PLCH1: variants seen among roughly 807,000 people sequenced by gnomAD.
PLCH1 encodes the protein phospholipase C eta 1.
A neutral mutation model predicts 126.7 loss-of-function variants in PLCH1; 60 were observed. That is an observed-to-expected ratio of 0.47 (90% CI 0.38 to 0.59). The LOEUF (loss-of-function observed/expected upper bound fraction) is 0.59, where lower values mean the gene tolerates loss of function less well. PLCH1 is among the 20% of genes least tolerant of loss of function. The probability of loss-of-function intolerance (pLI) is 0.00; values close to 1 mark genes in which losing one functional copy is unlikely to be tolerated. For synonymous variants in PLCH1, 719 were observed against 734.9 expected (o/e 0.98, Z 0.35); for missense variants, 1,723 against 2,040.0 (o/e 0.84, Z 2.99).
At chr3:155,597,994 G>T (rs1339239760) in intron 2 of PLCH1, among the ~76,000 whole-genome samples, 1 of 152,056 alleles carries the variant, frequency 6.6e-6, no homozygotes, top group African/African-American at 2.4e-5. Context: ...GACCAGCCTG[G>T]CCAACATGGT....
chr3:155,712,758 A>C (rs1013302664), intron 1 of PLCH1, among the ~76,000 whole-genome samples: 7 of 151,704 alleles, frequency 4.6e-5, no homozygotes, highest in African/African-American at 1.7e-4. Flanking sequence ...TAAATAAATA[A>C]ATAAATAACT....
intron 1 of PLCH1, chr3:155,743,739 T>C: frequency 3.0e-6 from 1 of 336,410 alleles, no homozygotes; most frequent in South Asian, 2.2e-5. Flanking sequence ...CATCTCCTTG[T>C]CATAAACATG....
intron 2 of PLCH1, among the ~76,000 whole-genome samples, chr3:155,642,461 A>G (rs150424268): frequency 2.7e-4 from 41 of 152,320 alleles, no homozygotes; most frequent in Non-Finnish European, 1.9e-4. Flanking sequence ...GGATGCCAAG[A>G]TATCTGATTA....
At position 155,514,814 on chromosome 3, in the gene PLCH1, G is replaced by C; in HGVS notation, c.1541C>G (p.Ser514Cys). Residue 514 changes from serine (S) to cysteine (C), a missense_variant, in exon 12 of 23, where the codon TCT (serine) becomes TGT (cysteine). This residue lies in a region of PLCH1 where 776 missense variants were observed against 1,062.9 expected (regional missense o/e 0.73). Transcript: ENST00000460012. ...RKKLESLLKE[S>C]QIRDKEDPDS... ...AGGATCTTCTTTATCTCGAATTTGA[G>C]ATTCTTTTAACAGTGACTCCAGTTT... 6.2e-7 allele frequency: 1 copy of C among 1,612,850 alleles called. No individual in the cohort carries two copies. Among genetic ancestry groups the C allele is most frequent in the Non-Finnish European group, 8.5e-7 (1 of 1,178,978 alleles).
chr3:155,561,872 C>G (rs1177056161), intron 8 of PLCH1, among the ~76,000 whole-genome samples: 5 of 152,256 alleles, frequency 3.3e-5, no homozygotes, highest in Admixed American at 6.5e-5. Context: ...ACCTCTGCCT[C>G]CTGGGTTCAA....
At chr3:155,555,030 C>G (rs759234197) in intron 8 of PLCH1, among the ~76,000 whole-genome samples, 1 of 152,202 alleles carries the variant, frequency 6.6e-6, no homozygotes, top group Non-Finnish European at 1.5e-5. Context: ...TATTTTGCCC[C>G]CAGGCTAATT....
intron 2 of PLCH1, among the ~76,000 whole-genome samples, chr3:155,618,560 C>T (rs1577156073): frequency 1.3e-5 from 2 of 152,126 alleles, no homozygotes; most frequent in Admixed American, 6.5e-5. Context: ...CATAGAAATG[C>T]CTCTTACTAA....
chr3:155,489,570 A>G (rs1715853891), intron 19 of PLCH1, among the ~76,000 whole-genome samples: 1 of 152,196 alleles, frequency 6.6e-6, no homozygotes, highest in African/African-American at 2.4e-5. Context: ...TAGACCATGC[A>G]CTATTGATTC....
At chr3:155,587,612 T>C (rs1731555233) in intron 4 of PLCH1, among the ~76,000 whole-genome samples, 1 of 152,356 alleles carries the variant, frequency 6.6e-6, no homozygotes, top group South Asian at 2.1e-4. Context: ...AAACATAATG[T>C]GCTAGGAGGT....
intron 2 of PLCH1, among the ~76,000 whole-genome samples, chr3:155,699,910 GT>G (rs1426737562): frequency 1.3e-5 from 2 of 151,668 alleles, no homozygotes; most frequent in African/African-American, 4.9e-5. Flanking sequence ...TAACTACAAA[GT>G]TTACAGTCCA....
At chr3:155,607,799 G>A (rs546251439) in intron 2 of PLCH1, among the ~76,000 whole-genome samples, 1 of 152,144 alleles carries the variant, frequency 6.6e-6, no homozygotes, top group Non-Finnish European at 1.5e-5. Flanking sequence ...AAATGGCAGA[G>A]AGAAGTCAGG....
Position 155,482,643 on chromosome 3 carries a change from T to C in PLCH1, c.3383A>G (p.Lys1128Arg), listed in dbSNP as rs1284775856. 1 of 1,614,230 alleles carries C rather than the reference T, an allele frequency of 6.2e-7. No homozygotes were observed. The highest frequency in any genetic ancestry group is 1.1e-5 in the South Asian group (1 of 91,086). Residue 1128 changes from lysine (K) to arginine (R), a missense_variant, in exon 23 of 23, where the codon AAG (lysine) becomes AGG (arginine). By Grantham distance (26) the Lys-to-Arg change is conservative (BLOSUM62 2). Around this residue, in one of 2 missense-constraint regions of PLCH1, gnomAD observed 947 missense variants for 977.1 expected, o/e 0.97. Transcript: ENST00000460012. Reference sequence around the variant, plus strand: ...CTTACCCCTATTACCTTCCAGGTTCTTAATTTCTAGGTTGCTATGAGAAAG... The same window carrying C: ...CTTACCCCTATTACCTTCCAGGTTCCTAATTTCTAGGTTGCTATGAGAAAG... Reference protein sequence around the residue: ...SVLSHSNLEIKNLEGNRGKGR... With the variant: ...SVLSHSNLEIRNLEGNRGKGR...
At chr3:155,552,734 C>A (rs898470747) in intron 9 of PLCH1, among the ~76,000 whole-genome samples, 3 of 152,136 alleles carry the variant, frequency 2.0e-5, no homozygotes, top group African/African-American at 7.2e-5. Context: ...ATTGAGAGAG[C>A]TTCTGACAGG....
chr3:155,596,317 G>C lies in PLCH1; in HGVS notation c.141C>G (p.Thr47=). 1 of 1,613,266 alleles carries C rather than the reference G, an allele frequency of 6.2e-7. No individual in the cohort carries two copies. Among genetic ancestry groups the C allele is most frequent in the East Asian group, 2.2e-5 (1 of 44,874 alleles). Residue 47 remains threonine (T), a synonymous_variant, in exon 3 of 23, where the codon ACC becomes ACG. Coordinates refer to ENST00000460012, the MANE Select transcript of PLCH1 (RefSeq NM_014996.4). Reference sequence around the variant, plus strand: ...GGTAAAAGAGGCGGACAAGCCCTTTGGTTCCACGTTTCAGCTTGATCATCT... The same window carrying C: ...GGTAAAAGAGGCGGACAAGCCCTTTCGTTCCACGTTTCAGCTTGATCATCT... ...GTQMIKLKRG[T]KGLVRLFYLD... is the part of the protein sequence containing the mutation.
At chr3:155,682,312 T>G (rs1210673767) in intron 2 of PLCH1, among the ~76,000 whole-genome samples, 1 of 152,172 alleles carries the variant, frequency 6.6e-6, no homozygotes, top group East Asian at 1.9e-4. Flanking sequence ...TTGAGGAAAT[T>G]GCTATTATAT....
chr3:155,689,124 G>A (rs7639887), intron 2 of PLCH1, among the ~76,000 whole-genome samples: 33,238 of 152,042 alleles, frequency 0.22, 4,113 homozygotes, highest in African/African-American at 0.34. Flanking sequence ...GAAAAAGAGA[G>A]ACTCTATATG....
At chr3:155,699,848 A>ACACACACACACACACC (rs1491419516) in intron 2 of PLCH1, among the ~76,000 whole-genome samples, 81 of 147,656 alleles carry the variant, frequency 5.5e-4, no homozygotes, top group African/African-American at 1.9e-3. Flanking sequence ...ACACACACAC[A>ACACACACACACACACC]CCACTACCTC....
chr3:155,513,323 T>C (rs66856514), intron 12 of PLCH1, among the ~76,000 whole-genome samples: 30,544 of 152,156 alleles, frequency 0.2, 4,530 homozygotes, highest in African/African-American at 0.42. Context: ...CAAAAATTTT[T>C]GGTTCTCTTA....
At chr3:155,528,997 G>T (rs1287329758) in intron 10 of PLCH1, among the ~76,000 whole-genome samples, 2 of 152,160 alleles carry the variant, frequency 1.3e-5, no homozygotes. Flanking sequence ...CAATGCAAAT[G>T]AACACTGTTT....
Sources: allele counts gnomAD v4.1 joint callset (sites outside exome capture counted in the v4.1 genomes callset), GRCh38; gene constraint gnomAD v4.1.1; regional missense constraint gnomAD v4.1.1; transcripts MANE v1.5; gene names NCBI Gene and HGNC (gene_info 2026-07-23, HGNC 2026-07-21).